Variants in ZNF420 observed in about 807,000 individuals in gnomAD.
ZNF420 encodes the protein zinc finger protein 420.
ZNF420 carries 31 observed loss-of-function variants against 44.7 expected under a neutral mutation model. That is an observed-to-expected ratio of 0.69 (90% CI 0.52 to 0.94). The LOEUF is 0.94. Among genes scored for constraint, ZNF420 ranks in the 40% least tolerant of loss-of-function variants. ZNF420 has a pLI of 0.00. For synonymous variants in ZNF420, 245 were observed against 267.4 expected, an observed-to-expected ratio of 0.92 and a Z score of 0.82; for missense variants, 681 against 827.9, an observed-to-expected ratio of 0.82 and a Z score of 2.18.
chr19:37,069,727 G>A (rs537460103), intron 1 of ZNF420, among the ~76,000 whole-genome samples: 1 of 152,088 alleles, frequency 6.6e-6, no homozygotes, highest in South Asian at 2.1e-4. Flanking sequence ...CCATCATAAA[G>A]TTAAAAAAAT....
chr19:37,123,504 G>T (rs1443892825), intron 4 of ZNF420, among the ~76,000 whole-genome samples: 1 of 151,844 alleles, frequency 6.6e-6, no homozygotes, highest in Admixed American at 6.6e-5. Context: ...AATGTCCCAA[G>T]GGTAGCTCTA....
intron 4 of ZNF420, among the ~76,000 whole-genome samples, chr19:37,103,444 A>G (rs1241435327): frequency 1.3e-5 from 2 of 151,998 alleles, no homozygotes; most frequent in Admixed American, 6.6e-5. Context: ...TAATTTCTCT[A>G]TATGTCTGCT....
At chr19:37,060,661 G>A (rs1967860419) in intron 1 of ZNF420, among the ~76,000 whole-genome samples, 1 of 151,924 alleles carries the variant, frequency 6.6e-6, no homozygotes. Context: ...TCCCATACGT[G>A]TCTCAGACAG....
rs1262022569 is a variant in ZNF420, at chr19:37,121,858, C to G, written c.137-5270C>G. Reference sequence around the variant, plus strand: ...AAGACATTTATGCAGCCAAAAAACACATGAAAAAATGCTCATCATCACTGG... The same window carrying G: ...AAGACATTTATGCAGCCAAAAAACAGATGAAAAAATGCTCATCATCACTGG... On this transcript the variant is annotated intron_variant, in intron 4 of 4. Transcript: ENST00000337995. Among the ~76,000 whole-genome samples, 4 of 152,198 alleles carry G rather than the reference C, an allele frequency of 2.6e-5. No individual in the cohort carries two copies. The East Asian group carries it at 5.8e-4, about 22-fold the overall frequency.
chr19:37,032,343 C>G (rs1037693341), intron 1 of ZNF420, among the ~76,000 whole-genome samples: 1 of 149,612 alleles, frequency 6.7e-6, no homozygotes, highest in Non-Finnish European at 1.5e-5. Context: ...AAAAAAAACC[C>G]AAAAAACTAA....
intron 4 of ZNF420, among the ~76,000 whole-genome samples, chr19:37,113,517 G>C (rs143214723): frequency 6.6e-6 from 1 of 152,004 alleles, no homozygotes; most frequent in Non-Finnish European, 1.5e-5. Context: ...TGGCATTTTC[G>C]TATGCCATCA....
At chr19:37,046,538 C>T (rs935171591) in intron 1 of ZNF420, among the ~76,000 whole-genome samples, 18 of 151,954 alleles carry the variant, frequency 1.2e-4, no homozygotes, top group African/African-American at 4.4e-4. Flanking sequence ...TGCAATAAAA[C>T]AATTTTTTTA....
intron 1 of ZNF420, among the ~76,000 whole-genome samples, chr19:37,010,581 G>C (rs138844299): frequency 6.6e-6 from 1 of 151,960 alleles, no homozygotes; most frequent in Non-Finnish European, 1.5e-5. Context: ...TGTGTGTGCC[G>C]GTGTGCGTGT....
chr19:37,021,106 G>T (rs765048608), intron 1 of ZNF420, among the ~76,000 whole-genome samples: 2 of 152,132 alleles, frequency 1.3e-5, no homozygotes, highest in East Asian at 3.8e-4. Flanking sequence ...AGCAAAAGAC[G>T]TGTAAACCAG....
chr19:37,026,383 T>G (rs1599601623), intron 1 of ZNF420, among the ~76,000 whole-genome samples: 1 of 146,746 alleles, frequency 6.8e-6, no homozygotes, highest in Non-Finnish European at 1.5e-5. Flanking sequence ...TGCAATGGGG[T>G]GATCTGGGCT....
At chr19:37,096,673 T>C (rs1006418669) in intron 4 of ZNF420, among the ~76,000 whole-genome samples, 18 of 152,198 alleles carry the variant, frequency 1.2e-4, no homozygotes, top group African/African-American at 4.3e-4. Context: ...CTCCATCTAC[T>C]TTCTGGTTCC....
upstream of ZNF420, among the ~76,000 whole-genome samples, chr19:37,074,069 C>T (rs550591482): frequency 2.0e-4 from 31 of 152,232 alleles, no homozygotes; most frequent in Non-Finnish European, 1.9e-4. Context: ...CACCATTTTG[C>T]AACTCCTAAC....
At chr19:37,066,127 C>T (rs1473950873) in intron 1 of ZNF420, among the ~76,000 whole-genome samples, 1 of 152,202 alleles carries the variant, frequency 6.6e-6, no homozygotes, top group Non-Finnish European at 1.5e-5. Context: ...TCAAAAGACA[C>T]TGTTAAAAAT....
At chr19:37,068,930 G>A (rs1968013279) in intron 1 of ZNF420, among the ~76,000 whole-genome samples, 1 of 152,022 alleles carries the variant, frequency 6.6e-6, no homozygotes, top group African/African-American at 2.4e-5. Context: ...GCAAGCTTAA[G>A]TTACTAAAAA....
intron 1 of ZNF420, among the ~76,000 whole-genome samples, chr19:37,068,527 C>G (rs1968007191): frequency 6.6e-6 from 1 of 152,080 alleles, no homozygotes; most frequent in African/African-American, 2.4e-5. Flanking sequence ...GTAATCCCAG[C>G]TACTCGGGAG....
intron 2 of ZNF420, among the ~76,000 whole-genome samples, chr19:37,087,664 G>T (rs1476989388): frequency 1.3e-5 from 2 of 152,154 alleles, no homozygotes; most frequent in Non-Finnish European, 2.9e-5. Context: ...TTGTTTGTTT[G>T]AGACAGAGTC....
chr19:37,026,009 T>A (rs1041440451), intron 1 of ZNF420, among the ~76,000 whole-genome samples: 3 of 152,054 alleles, frequency 2.0e-5, no homozygotes, highest in Admixed American at 1.3e-4. Flanking sequence ...TAATTTAACA[T>A]CAATCTTATT....
At chr19:37,024,355 G>A (rs1462230182) in intron 1 of ZNF420, among the ~76,000 whole-genome samples, 2 of 152,092 alleles carry the variant, frequency 1.3e-5, no homozygotes, top group African/African-American at 2.4e-5. Context: ...GACCTCCTGA[G>A]GCTGGGTCAC....
chr19:37,073,088 T>A (rs1256265554), intron 1 of ZNF420, among the ~76,000 whole-genome samples: 1 of 152,142 alleles, frequency 6.6e-6, no homozygotes, highest in Non-Finnish European at 1.5e-5. Context: ...CTCATGCTTA[T>A]AATCCCAGTA....
Sources: gnomAD v4.1 joint callset for allele counts (sites outside exome capture counted in the v4.1 genomes callset) on GRCh38, gnomAD v4.1.1 for gene constraint, MANE v1.5 for transcripts, NCBI Gene and HGNC (gene_info 2026-07-23, HGNC 2026-07-21) for gene names.